The following PRR12 variants were observed in gnomAD, a reference collection of about 807,000 sequenced individuals.
The protein encoded by PRR12 is proline-rich protein 12.
PRR12 carries 12 observed loss-of-function variants against 138.0 expected under a neutral mutation model. The observed-to-expected ratio is 0.09, with a 90% CI of 0.06 to 0.14. PRR12 has a LOEUF of 0.14. Among genes scored for constraint, PRR12 ranks in the 10% least tolerant of loss-of-function variants. The pLI, the probability that PRR12 is intolerant of heterozygous loss-of-function variation, is 1.00. For missense variants in PRR12, 2,692 were observed against 2,861.3 expected (o/e 0.94, Z 1.35); for synonymous variants, 1,567 against 1,291.7 (o/e 1.21, Z -4.57).
At position 49,610,765 on chromosome 19, in the gene PRR12, G is replaced by A. The variant is rs552481698; in HGVS notation, c.4774-3768G>A. On this transcript the variant is annotated intron_variant, in intron 6 of 13. Coordinates refer to ENST00000418929, the MANE Select transcript of PRR12 (RefSeq NM_020719.3). ...TCACCATGTTAGCCAGGATGATCTC[G>A]ATCTCCTGACCTCGTGATCCGCCCG... Among the ~76,000 whole-genome samples the A allele has an allele frequency of 3.3e-5, 5 of 151,746 alleles. No individual in the cohort carries two copies. The South Asian group carries it at 6.3e-4, about 19-fold the overall frequency.
At chr19:49,598,037 G>C in intron 4 of PRR12, 24 bp downstream of exon 4, 2 of 1,320,386 alleles carry the variant, frequency 1.5e-6, no homozygotes, top group Non-Finnish European at 1.9e-6. Flanking sequence ...GGGTCTTGTA[G>C]GGGATAGGGG....
At position 49,615,761 on chromosome 19, in the gene PRR12, C is replaced by T. The variant is rs1357167308; in HGVS notation, c.5039C>T (p.Ala1680Val). ...TTCCCTTCTAGACGCTCTGGGCAGG[C>T]CAAGAACCCCGTATCTGCTGGGGGT... ...PPVPVRRSGQAKNPVSAGGSS... is the reference protein window; with the variant it reads ...PPVPVRRSGQVKNPVSAGGSS... The change falls in exon 9 of 14, where the codon GCC (alanine) becomes GTC (valine). Residue 1680 changes from alanine (A) to valine (V), a missense_variant. Physicochemically the swap from Ala to Val is moderately conservative, Grantham distance 64. Around this residue, in one of 11 missense-constraint regions of PRR12, gnomAD observed 259 missense variants for 265.1 expected, o/e 0.98. Transcript: ENST00000418929. The T allele has an allele frequency of 6.2e-7, 1 of 1,612,660 alleles. No individual in the cohort carries two copies. The highest frequency in any genetic ancestry group is 8.5e-7 in the Non-Finnish European group (1 of 1,179,392).
Position 49,596,401 on chromosome 19 carries a change from A to T in PRR12, c.2066A>T (p.Glu689Val). 6.2e-7 allele frequency: 1 copy of T among 1,606,176 alleles called. No homozygotes were observed. Among genetic ancestry groups the T allele is most frequent in the Non-Finnish European group, 8.5e-7 (1 of 1,178,886 alleles). Residue 689 changes from glutamate to valine, a missense_variant, in exon 4 of 14, where the codon GAG becomes GTG. Coordinates refer to ENST00000418929, the MANE Select transcript of PRR12 (RefSeq NM_020719.3). This position sits in a 1 kb window ranked among gnomAD's most constrained non-coding sequence, Gnocchi z 5.6. ...GGGGGACCACCGGGTACACCCTACG[A>T]GTTGGCCAAGGAAGACCCCCAGAGG... Reference protein sequence around the residue: ...GAGGPPGTPYELAKEDPQRYH... With the variant: ...GAGGPPGTPYVLAKEDPQRYH...
chr19:49,624,014 G>A (rs1442752631), intron 11 of PRR12, among the ~76,000 whole-genome samples: 5 of 150,554 alleles, frequency 3.3e-5, no homozygotes, highest in Admixed American at 6.6e-5. Context: ...GGATGAGACC[G>A]AGAATTCTGG....
chr19:49,625,228 C>G lies in PRR12; in HGVS notation c.5964+28C>G. The G allele has an allele frequency of 1.3e-6, 2 of 1,598,736 alleles. No homozygotes were observed. Among genetic ancestry groups the G allele is most frequent in the Non-Finnish European group, 1.7e-6 (2 of 1,166,560 alleles). ...GAGCCCCACCCACAGCACCCATCGCCCTGGGATTCCAACCTTTCTGACTTC... is the reference window on the plus strand; with the variant it reads ...GAGCCCCACCCACAGCACCCATCGCGCTGGGATTCCAACCTTTCTGACTTC... On this transcript the variant is annotated intron_variant, in intron 13 of 13. Transcript: ENST00000418929. The surrounding 1 kb of genome is among the most constrained non-coding windows in gnomAD (Gnocchi z 5.5).
intron 11 of PRR12, among the ~76,000 whole-genome samples, chr19:49,622,914 T>A (rs1363832932): frequency 1.3e-5 from 1 of 77,724 alleles, no homozygotes; most frequent in African/African-American, 7.0e-5. Flanking sequence ...AAAACATATA[T>A]ATATATATAT....
At chr19:49,604,245 G>A (rs2080827018) in intron 6 of PRR12, among the ~76,000 whole-genome samples, 1 of 151,878 alleles carries the variant, frequency 6.6e-6, no homozygotes, top group African/African-American at 2.4e-5. Flanking sequence ...GCTCACACCT[G>A]TGATCCCAGA....
chr19:49,619,108 C>T (rs976485952), intron 9 of PRR12, among the ~76,000 whole-genome samples: 6 of 152,022 alleles, frequency 3.9e-5, no homozygotes, highest in Admixed American at 3.3e-4. Flanking sequence ...CTTTTGGAAA[C>T]CAACAATGCT....
At chr19:49,603,527 C>A (rs1416719394) in intron 6 of PRR12, among the ~76,000 whole-genome samples, 1 of 152,070 alleles carries the variant, frequency 6.6e-6, no homozygotes, top group Non-Finnish European at 1.5e-5. Context: ...CCCGTCTTTA[C>A]TAAAAATACA....
At chr19:49,602,236 G>T (rs545579378) in intron 6 of PRR12, among the ~76,000 whole-genome samples, 3 of 152,144 alleles carry the variant, frequency 2.0e-5, no homozygotes, top group Non-Finnish European at 4.4e-5. Context: ...TGCTGTGGGT[G>T]GTAGAGGACC....
Position 49,614,333 on chromosome 19 carries a change from G to A in PRR12, c.4774-200G>A, listed in dbSNP as rs1423064607. ...AACGAGCAGCCCAATCCAGGGTACT[G>A]GGTGGGCAGGAGGCGACAGGGTCAA... On this transcript the variant is annotated intron_variant, in intron 6 of 13. Coordinates refer to ENST00000418929, the MANE Select transcript of PRR12 (RefSeq NM_020719.3). This position sits in a 1 kb window ranked among gnomAD's most constrained non-coding sequence, Gnocchi z 5.0. Among the ~76,000 whole-genome samples, 1 of 150,892 alleles carries A rather than the reference G, an allele frequency of 6.6e-6. No homozygotes were observed. Among genetic ancestry groups the A allele is most frequent in the African/African-American group, 2.5e-5 (1 of 40,178 alleles).
chr19:49,610,846 T>G (rs1252088754), intron 6 of PRR12, among the ~76,000 whole-genome samples: 1 of 147,122 alleles, frequency 6.8e-6, no homozygotes, highest in East Asian at 2.0e-4. Context: ...CCCGGCCTTT[T>G]TTTTGTTTTG....
chr19:49,598,636 G>A (rs550703474), intron 4 of PRR12, among the ~76,000 whole-genome samples: 2 of 152,234 alleles, frequency 1.3e-5, no homozygotes, highest in South Asian at 2.1e-4. Flanking sequence ...CCTGGTCAGC[G>A]TAGTGAGACC....
rs781508319 is a variant in PRR12 at position 49,601,816 on chromosome 19, G to A, written c.4671G>A (p.Val1557=). The A allele has an allele frequency of 3.7e-6, 6 of 1,612,490 alleles. No homozygotes were observed. Among genetic ancestry groups the A allele is most frequent in the East Asian group, 2.2e-5 (1 of 44,882 alleles). Residue 1557 remains valine (V), a synonymous_variant, in exon 6 of 14, where the codon GTG becomes GTA. Coordinates refer to ENST00000418929, the MANE Select transcript of PRR12 (RefSeq NM_020719.3). ...CCAAAAAGCAGGAGACGGCGGCAGT[G>A]TGTGGGGAGACGGACGAGGAGGCCG... ...HLAKKQETAA[V]CGETDEEAGE... is the part of the protein sequence containing the mutation.
chr19:49,602,777 C>T (rs1380993221), intron 6 of PRR12, among the ~76,000 whole-genome samples: 2 of 152,196 alleles, frequency 1.3e-5, no homozygotes, highest in Non-Finnish European at 1.5e-5. Context: ...GTCTCGAACT[C>T]CTGACCTCAG....
chr19:49,615,811 C>T lies in PRR12; in HGVS notation c.5089C>T (p.Pro1697Ser), dbSNP rs1196214203. The T allele has an allele frequency of 1.9e-6, 3 of 1,612,680 alleles. No homozygotes were observed. The highest frequency in any genetic ancestry group is 2.7e-5 in the African/African-American group (2 of 74,854). Residue 1697 changes from proline (P) to serine (S), a missense_variant, in exon 9 of 14, where the codon CCA (proline) becomes TCA (serine). Coordinates refer to ENST00000418929, the MANE Select transcript of PRR12 (RefSeq NM_020719.3). ...TAGCTCTGCACCTCCCCCTAAGGCC[C>T]CAGCACCACCTCCCAAGCCTGAGAC... Reference protein sequence around the residue: ...GGSSAPPPKAPAPPPKPETPE... With the variant: ...GGSSAPPPKASAPPPKPETPE...
Position 49,625,287 on chromosome 19 carries a change from T to A in PRR12, c.5964+87T>A. 6.7e-7 allele frequency: 1 copy of A among 1,497,276 alleles called. No homozygotes were observed. Among genetic ancestry groups the A allele is most frequent in the Non-Finnish European group, 9.2e-7 (1 of 1,087,590 alleles). 92.7% of individuals were successfully genotyped at this position (1,497,276 alleles called of 1,614,324 possible). A position where few individuals can be genotyped will look rare whatever the true frequency, so the allele number is the denominator to read the frequency against. On this transcript the variant is annotated intron_variant, in intron 13 of 13. Transcript: ENST00000418929. This position sits in a 1 kb window ranked among gnomAD's most constrained non-coding sequence, Gnocchi z 5.5. The stretch of plus-strand genomic sequence containing the variant: ...ATCTGAGGGTCCAAGCCCAGCCCCA[T>A]CCTGCCTCAGACCCAAGAGTTCAGG...
At chr19:49,606,787 C>G (rs1354772211) in intron 6 of PRR12, among the ~76,000 whole-genome samples, 3 of 151,884 alleles carry the variant, frequency 2.0e-5, no homozygotes, top group Non-Finnish European at 4.4e-5. Context: ...GCTGGGATTA[C>G]AGGCACCTGC....
At chr19:49,608,943 C>G (rs1176039156) in intron 6 of PRR12, among the ~76,000 whole-genome samples, 1 of 152,156 alleles carries the variant, frequency 6.6e-6, no homozygotes, top group Non-Finnish European at 1.5e-5. Flanking sequence ...ATTCTCCTTC[C>G]CCCGTCTGTC....
Sources: gnomAD v4.1 joint callset for allele counts (sites outside exome capture counted in the v4.1 genomes callset) on GRCh38, gnomAD v4.1.1 for gene constraint, gnomAD v4.1.1 regional missense constraint, Gnocchi (gnomAD v3.1) non-coding constraint, MANE v1.5 for transcripts, NCBI Gene and HGNC (gene_info 2026-07-23, HGNC 2026-07-21) for gene names.